The following RBFOX1 variants were observed in gnomAD, a reference collection of about 807,000 sequenced individuals.
RBFOX1 encodes the protein RNA binding protein fox-1 homolog 1.
RBFOX1 carries 8 observed loss-of-function variants against 57.7 expected under a neutral mutation model. The ratio of observed to expected loss-of-function variants is 0.14; its 90% CI spans 0.08 to 0.25. The LOEUF is 0.25. Ranked by LOEUF, RBFOX1 falls within the 10% of genes least tolerant of loss-of-function variation. The pLI is 1.00. For missense variants in RBFOX1, 611 were observed against 548.5 expected (o/e 1.11, Z -1.14); for synonymous variants, 326 against 222.4 (o/e 1.47, Z -4.15).
At chr16:5,450,437 C>G (rs959047264) in intron 1 of RBFOX1, among the ~76,000 whole-genome samples, 1 of 152,094 alleles carries the variant, frequency 6.6e-6, no homozygotes, top group Admixed American at 6.5e-5. Flanking sequence ...TGTGGAGGGC[C>G]CCTTCTAATG....
intron 4 of RBFOX1, among the ~76,000 whole-genome samples, chr16:7,299,378 C>G (rs550677781): frequency 8.5e-5 from 13 of 152,192 alleles, no homozygotes; most frequent in African/African-American, 3.1e-4. Flanking sequence ...TATTTCTGCT[C>G]TTGGAAGCGT....
chr16:5,636,360 A>G (rs2048686383), intron 3 of RBFOX1, among the ~76,000 whole-genome samples: 1 of 152,210 alleles, frequency 6.6e-6, no homozygotes, highest in Non-Finnish European at 1.5e-5. Context: ...AAAAAATTAA[A>G]TAAATAAAAA....
In RBFOX1 at chr16:5,588,799, A is replaced by G. The variant is rs115421211; in HGVS notation, c.259-10103A>G. Among the ~76,000 whole-genome samples the G allele has an allele frequency of 6.5e-3, 995 of 152,324 alleles. 10 individuals carry two copies. Among genetic ancestry groups the G allele is most frequent in the African/African-American group, 0.022 (932 of 41,580 alleles). ...GTCTTTTTTTGGAAGCCACTGCAAC[A>G]AAAGTGATCTGAGTTCAGGCATTAG... On this transcript the variant is annotated intron_variant, in intron 2 of 2. Transcript: ENST00000585867.
At chr16:5,697,705 TGTA>T (rs753706309) in intron 3 of RBFOX1, among the ~76,000 whole-genome samples, 1 of 68 alleles carries the variant, frequency 0.015, no homozygotes, top group Non-Finnish European at 0.029. Context: ...GGCTAATTTT[TGTA>T]TTTTTAGTAG....
intron 1 of RBFOX1, among the ~76,000 whole-genome samples, chr16:6,245,709 G>A (rs964917465): frequency 3.3e-5 from 5 of 152,056 alleles, no homozygotes; most frequent in African/African-American, 1.2e-4. Context: ...CATGAAGCAG[G>A]GCACAAAAGC....
chr16:6,214,619 G>A (rs2097320714), intron 1 of RBFOX1, among the ~76,000 whole-genome samples: 1 of 126,578 alleles, frequency 7.9e-6, no homozygotes, highest in Admixed American at 7.8e-5. Flanking sequence ...GAGAAGGAGA[G>A]GGAGAAAGAC....
intron 5 of RBFOX1, among the ~76,000 whole-genome samples, chr16:7,530,299 C>A (rs1349416197): frequency 6.6e-6 from 1 of 152,160 alleles, no homozygotes; most frequent in African/African-American, 2.4e-5. Context: ...TGTCCATCTC[C>A]TGGATTCTAC....
At chr16:6,289,872 G>C (rs1049736620) in intron 1 of RBFOX1, among the ~76,000 whole-genome samples, 4 of 152,136 alleles carry the variant, frequency 2.6e-5, no homozygotes, top group African/African-American at 9.7e-5. Context: ...AGAGAATAAT[G>C]ATTTCATGAA....
intron 3 of RBFOX1, among the ~76,000 whole-genome samples, chr16:5,656,062 T>C (rs945916674): frequency 6.6e-6 from 1 of 152,206 alleles, no homozygotes; most frequent in Non-Finnish European, 1.5e-5. Context: ...GGGATTACTT[T>C]TCTGGAGTAA....
intron 14 of RBFOX1, among the ~76,000 whole-genome samples, chr16:7,706,663 G>A (rs570983854): frequency 6.6e-6 from 1 of 152,210 alleles, no homozygotes; most frequent in East Asian, 1.9e-4. Context: ...AACTCTCAAG[G>A]ATTTCAGTTT....
At chr16:5,629,477 C>T (rs1168480675) in intron 3 of RBFOX1, among the ~76,000 whole-genome samples, 1 of 152,192 alleles carries the variant, frequency 6.6e-6, no homozygotes, top group Non-Finnish European at 1.5e-5. Flanking sequence ...GGACCCAAAG[C>T]CACTGCCCAA....
chr16:6,520,499 A>G (rs1016358071), intron 2 of RBFOX1, among the ~76,000 whole-genome samples: 1 of 152,220 alleles, frequency 6.6e-6, no homozygotes, highest in Non-Finnish European at 1.5e-5. Context: ...AAATCATAAA[A>G]TGAAATTATT....
chr16:6,375,800 A>C (rs573753431), intron 2 of RBFOX1, among the ~76,000 whole-genome samples: 7 of 152,274 alleles, frequency 4.6e-5, no homozygotes, highest in African/African-American at 1.7e-4. Context: ...ATCCATGATG[A>C]ACAGGCATTT....
At chr16:6,894,443 C>A (rs1293958869) in intron 3 of RBFOX1, among the ~76,000 whole-genome samples, 2 of 152,146 alleles carry the variant, frequency 1.3e-5, no homozygotes, top group African/African-American at 4.8e-5. Flanking sequence ...AGAATGCCTT[C>A]CCGAATTTGT....
chr16:5,338,784 G>T (rs532051589), intron 1 of RBFOX1, among the ~76,000 whole-genome samples: 1 of 152,262 alleles, frequency 6.6e-6, no homozygotes, highest in African/African-American at 2.4e-5. Context: ...AGCCTCCTGA[G>T]TAGTGGGGAC....
At chr16:5,505,198 C>T (rs1283688592) in intron 2 of RBFOX1, among the ~76,000 whole-genome samples, 1 of 152,170 alleles carries the variant, frequency 6.6e-6, no homozygotes, top group African/African-American at 2.4e-5. Context: ...TCTTGTATGA[C>T]CCCTTCTTGC....
At chr16:6,311,107 C>T (rs1028589022) in intron 1 of RBFOX1, among the ~76,000 whole-genome samples, 3 of 151,526 alleles carry the variant, frequency 2.0e-5, no homozygotes, top group East Asian at 1.9e-4. Context: ...CCAGCCTGGC[C>T]GACATGGTGA....
At chr16:6,191,678 G>A (rs978172968) in intron 1 of RBFOX1, among the ~76,000 whole-genome samples, 4 of 152,120 alleles carry the variant, frequency 2.6e-5, no homozygotes, top group East Asian at 1.9e-4. Flanking sequence ...AATTTCTGTT[G>A]CCTTTTTATG....
intron 2 of RBFOX1, among the ~76,000 whole-genome samples, chr16:6,447,480 G>A (rs1180782904): frequency 2.6e-5 from 4 of 152,184 alleles, no homozygotes; most frequent in Non-Finnish European, 5.9e-5. Flanking sequence ...AACCTAGAAT[G>A]ACTTTCAATC....
Sources: allele counts gnomAD v4.1 joint callset (sites outside exome capture counted in the v4.1 genomes callset), GRCh38; gene constraint gnomAD v4.1.1; transcripts MANE v1.5; gene names NCBI Gene and HGNC (gene_info 2026-07-23, HGNC 2026-07-21).